CENPV: variants seen among roughly 807,000 people sequenced by gnomAD.
CENPV encodes centromere protein V.
CENPV carries 15 observed loss-of-function variants against 26.4 expected under a neutral mutation model. The ratio of observed to expected loss-of-function variants is 0.57; its 90% CI spans 0.38 to 0.88. CENPV has a LOEUF of 0.88. Ranked by LOEUF, CENPV falls within the 40% of genes least tolerant of loss-of-function variation. The probability of loss-of-function intolerance (pLI) is 0.00; values close to 1 mark genes in which losing one functional copy is unlikely to be tolerated. For missense variants in CENPV, 336 were observed against 376.5 expected, an observed-to-expected ratio of 0.89 and a Z score of 0.89; for synonymous variants, 172 against 165.5, an observed-to-expected ratio of 1.04 and a Z score of -0.30.
chr17:16,352,493 T>C (rs2093232628), intron 1 of CENPV, among the ~76,000 whole-genome samples: 1 of 151,876 alleles, frequency 6.6e-6, no homozygotes, highest in Non-Finnish European at 1.5e-5. Flanking sequence ...CGCCCCCTGC[T>C]CCCTCCCTGG....
chr17:16,346,801 C>CT (rs551388416), intron 3 of CENPV, among the ~76,000 whole-genome samples: 2,183 of 139,536 alleles, frequency 0.016, 26 homozygotes, highest in African/African-American at 0.042. Flanking sequence ...GCTACCATTT[C>CT]TTTTTTTTTT....
intron 1 of CENPV, 84 bp downstream of exon 1, chr17:16,352,943 C>A: frequency 5.6e-6 from 8 of 1,419,824 alleles, no homozygotes; most frequent in Non-Finnish European, 7.3e-6. Flanking sequence ...GCGCCCAAGG[C>A]CTGCACGCGG....
At chr17:16,352,122 C>T (rs527402804) in intron 1 of CENPV, among the ~76,000 whole-genome samples, 2 of 152,248 alleles carry the variant, frequency 1.3e-5, no homozygotes, top group South Asian at 2.1e-4. Flanking sequence ...TTATTCTTGT[C>T]GGTTTTTTCC....
Position 16,342,726 on chromosome 17 carries a change from C to T in CENPV, c.*91G>A. On this transcript the variant is annotated 3_prime_UTR_variant, in exon 5 of 5. Transcript: ENST00000299736. ...CAACGGAACCAGCAGCCCAGGTCAG[C>T]CACATTCAGGAGCACCACCGAGGCA... is the stretch of plus-strand genomic sequence containing the variant. 1.3e-6 allele frequency: 2 copies of T among 1,519,346 alleles called. No homozygotes were observed. The highest frequency in any genetic ancestry group is 1.8e-6 in the Non-Finnish European group (2 of 1,101,754). 94.1% of individuals were successfully genotyped at this position (1,519,346 alleles called of 1,614,324 possible).
chr17:16,348,403 C>T, intron 3 of CENPV: 2 of 1,184,286 alleles, frequency 1.7e-6, no homozygotes, highest in Non-Finnish European at 2.2e-6. Context: ...GTGATCCATC[C>T]ATCTTGGCCT....
rs1281304792 is a variant in CENPV, at chr17:16,342,859, G to A, written c.777C>T (p.Ala259=). Residue 259 remains alanine (A), a synonymous_variant, in exon 5 of 5, where the codon GCC becomes GCT. Coordinates refer to ENST00000299736, the MANE Select transcript of CENPV (RefSeq NM_181716.3). The part of the protein sequence containing the change: ...EEFNGSDWEK[A]MKEHKTIKNM... ...TCTTGATGGTCTTGTGCTCTTTCAT[G>A]GCCTTCTCCCAATCGCTGCCATTGA... The A allele has an allele frequency of 1.2e-5, 20 of 1,613,922 alleles. No individual in the cohort carries two copies. Among genetic ancestry groups the A allele is most frequent in the Non-Finnish European group, 1.6e-5 (19 of 1,180,032 alleles).
chr17:16,348,382 C>G (rs2093216144), intron 3 of CENPV: 1 of 1,033,064 alleles, frequency 9.7e-7, no homozygotes, highest in Non-Finnish European at 1.3e-6. Context: ...GTCCTCAACT[C>G]CTGACTTCAG....
intron 1 of CENPV, among the ~76,000 whole-genome samples, chr17:16,350,344 AT>A (rs755226283): frequency 2.8e-3 from 406 of 143,094 alleles, no homozygotes; most frequent in Admixed American, 3.8e-3. Flanking sequence ...CAAATACTAA[AT>A]TTTTTTTTTT....
intron 3 of CENPV, among the ~76,000 whole-genome samples, chr17:16,345,279 A>AAC (rs1568864989): frequency 4.7e-5 from 7 of 147,518 alleles, no homozygotes; most frequent in African/African-American, 1.8e-4. Flanking sequence ...AAAAAAAAAA[A>AAC]AACACCTTTG....
intron 4 of CENPV, among the ~76,000 whole-genome samples, chr17:16,343,181 G>T (rs933122627): frequency 1.3e-5 from 2 of 152,174 alleles, no homozygotes; most frequent in African/African-American, 4.8e-5. Flanking sequence ...ACTGCCAGAT[G>T]GGAATCACAC....
At chr17:16,344,326 G>A (rs1304672513) in intron 4 of CENPV, 1 of 236,074 alleles carries the variant, frequency 4.2e-6, no homozygotes, top group Non-Finnish European at 8.1e-6. Flanking sequence ...AGCAACACCA[G>A]CTCTACCAGC....
chr17:16,344,673 G>C lies in CENPV; in HGVS notation c.618C>G (p.His206Gln), dbSNP rs1159767714. 2 of 1,600,030 alleles carry C rather than the reference G, an allele frequency of 1.2e-6. No individual in the cohort carries two copies. Among genetic ancestry groups the C allele is most frequent in the Non-Finnish European group, 1.7e-6 (2 of 1,173,694 alleles). Residue 206 changes from histidine to glutamine, a missense_variant, in exon 4 of 5, where the codon CAC becomes CAG. Physicochemically the swap from His to Gln is conservative, Grantham distance 24. Coordinates refer to ENST00000299736, the MANE Select transcript of CENPV (RefSeq NM_181716.3). The part of the protein sequence containing the change: ...EHITTYTFNT[H>Q]KAQHTFCKRC... The stretch of plus-strand genomic sequence containing the variant: ...TCTTACAGAAGGTATGCTGGGCTTT[G>C]TGAGTATTGAACGTGTAAGTCGTTA...
At position 16,353,345 on chromosome 17, in the gene CENPV, G is replaced by A; in HGVS notation, c.92C>T (p.Ala31Val). The change falls in exon 1 of 5, where the codon GCC (alanine) becomes GTC (valine). Residue 31 changes from alanine (A) to valine (V), a missense_variant. Around this residue, in one of 2 missense-constraint regions of CENPV, gnomAD observed 181 missense variants for 148.8 expected, o/e 1.22. Coordinates refer to ENST00000299736, the MANE Select transcript of CENPV (RefSeq NM_181716.3). ...TGTGCGGGTGGCGCTGGGTGCCAAGGCAGCGGCCGCGGAGGCCGCGGGGGC... is the reference window on the plus strand; with the variant it reads ...TGTGCGGGTGGCGCTGGGTGCCAAGACAGCGGCCGCGGAGGCCGCGGGGGC... ...SAAPAASAAA[A>V]LAPSATRTRR... The A allele has an allele frequency of 1.5e-6, 2 of 1,311,882 alleles. No homozygotes were observed. Among genetic ancestry groups the A allele is most frequent in the Non-Finnish European group, 1.9e-6 (2 of 1,032,764 alleles). 81.3% of individuals were successfully genotyped at this position (1,311,882 alleles called of 1,614,324 possible). A position where few individuals can be genotyped will look rare whatever the true frequency, so the allele number is the denominator to read the frequency against.
chr17:16,348,895 G>A lies in CENPV; in HGVS notation c.510-210C>T. 5.2e-6 allele frequency: 7 copies of A among 1,355,924 alleles called. 1 individual carries two copies. In the South Asian group the frequency reaches 6.1e-5, roughly 12 times the overall value. 84.0% of individuals were successfully genotyped at this position (1,355,924 alleles called of 1,614,324 possible). On this transcript the variant is annotated intron_variant, in intron 2 of 4. Coordinates refer to ENST00000299736, the MANE Select transcript of CENPV (RefSeq NM_181716.3). ...AGGGGGGTCCCAAGTCAGCAGTCGA[G>A]GTTCTGCAATGCTCAGAACACAGGA... is the stretch of plus-strand genomic sequence containing the variant.
intron 2 of CENPV, chr17:16,349,218 C>T: frequency 2.0e-6 from 2 of 988,602 alleles, no homozygotes; most frequent in Non-Finnish European, 2.4e-6. Flanking sequence ...AATCCTCTCA[C>T]AAGTTATTCC....
chr17:16,349,876 T>A, intron 2 of CENPV, 55 bp downstream of exon 2: 1 of 1,599,630 alleles, frequency 6.3e-7, no homozygotes, highest in East Asian at 2.2e-5. Context: ...TTTGAAATAT[T>A]GCATTTTAAC....
At chr17:16,348,747 C>CG in intron 2 of CENPV, 62 bp from the exon 3 acceptor site, 1 of 1,604,018 alleles carries the variant, frequency 6.2e-7, no homozygotes, top group Non-Finnish European at 8.5e-7. Context: ...TATGCCTGAG[C>CG]GGCCCAGCCA....
chr17:16,349,633 C>T (rs1435294653), intron 2 of CENPV: 2 of 1,134,452 alleles, frequency 1.8e-6, no homozygotes, highest in Admixed American at 9.1e-5. Flanking sequence ...GGCACACCTG[C>T]AGCTAACCGC....
chr17:16,349,221 G>A, intron 2 of CENPV: 1 of 988,316 alleles, frequency 1.0e-6, no homozygotes, highest in Non-Finnish European at 1.2e-6. Flanking sequence ...CCTCTCACAA[G>A]TTATTCCACA....
Sources: gnomAD v4.1 joint callset for allele counts (sites outside exome capture counted in the v4.1 genomes callset) on GRCh38, gnomAD v4.1.1 for gene constraint, gnomAD v4.1.1 regional missense constraint, MANE v1.5 for transcripts, NCBI Gene and HGNC (gene_info 2026-07-23, HGNC 2026-07-21) for gene names.